Variants in PVALB observed in about 807,000 individuals in gnomAD.
PVALB encodes parvalbumin alpha.
In PVALB, 11 loss-of-function variants were observed where a neutral mutation model predicts 10.9. That is an observed-to-expected ratio of 1.01 (90% CI 0.63 to 1.67). The LOEUF (loss-of-function observed/expected upper bound fraction) is 1.67. PVALB is among the 40% of genes most tolerant of loss of function. PVALB has a pLI of 0.00. For synonymous variants in PVALB, 57 were observed against 50.7 expected, an observed-to-expected ratio of 1.12 and a Z score of -0.53; for missense variants, 131 against 136.2, an observed-to-expected ratio of 0.96 and a Z score of 0.19.
chr22:36,811,642 GCAGT>G, intron 3 of PVALB: 1 of 429,970 alleles, frequency 2.3e-6, no homozygotes, highest in Non-Finnish European at 4.8e-6. Flanking sequence ...TTTTCTGTGA[GCAGT>G]CAGCCATGAA....
chr22:36,803,558 G>T (rs528566255), intron 3 of PVALB, among the ~76,000 whole-genome samples: 27 of 145,886 alleles, frequency 1.9e-4, no homozygotes, highest in African/African-American at 6.9e-4. Flanking sequence ...ATGGATGGAT[G>T]GGGGGTAGAT....
chr22:36,816,385 C>G (rs1167883905), intron 1 of PVALB: 1 of 152,476 alleles, frequency 6.6e-6, no homozygotes, highest in Non-Finnish European at 1.5e-5. Flanking sequence ...TGAGGATGCC[C>G]CGTGCGGGCT....
chr22:36,816,611 C>T (rs1305985034), intron 1 of PVALB, among the ~76,000 whole-genome samples: 1 of 152,218 alleles, frequency 6.6e-6, no homozygotes, highest in African/African-American at 2.4e-5. Context: ...GTCCAGAGAG[C>T]TCGTACAAGG....
At chr22:36,815,373 G>A (rs1939122851) in intron 1 of PVALB, 138 bp from the exon 2 acceptor site, 2 of 1,186,760 alleles carry the variant, frequency 1.7e-6, no homozygotes, top group South Asian at 2.9e-5. Context: ...ACCTCCATTG[G>A]AGGGCTGAGG....
In PVALB at chr22:36,815,086, T is replaced by C. The variant is rs1939116213; in HGVS notation, c.194+17A>G. The C allele has an allele frequency of 2.5e-6, 4 of 1,613,768 alleles. No homozygotes were observed. The highest frequency in any genetic ancestry group is 1.3e-5 in the African/African-American group (1 of 75,026). On this transcript the variant is annotated intron_variant, in intron 2 of 3. Transcript: ENST00000417718. The stretch of plus-strand genomic sequence containing the variant: ...GTGCAGCCGTGGGCTGGGCAGCCCC[T>C]GCAGGCCTCCGCTTACCCCAGCTCA...
Position 36,813,791 on chromosome 22 carries a change from C to T in PVALB, c.195-36G>A, listed in dbSNP as rs761915956. 2.6e-6 allele frequency: 4 copies of T among 1,535,946 alleles called. No individual in the cohort carries two copies. The Admixed American group carries it at 5.0e-5, about 19-fold the overall frequency. ...AAAGGGAGAAAGCCGGTGAGGGAGT[C>T]AGGCCGAGGTCGCCTTGCAGGACGC... On this transcript the variant is annotated intron_variant, in intron 2 of 3. Transcript: ENST00000417718.
chr22:36,802,475 C>A (rs768048811), intron 3 of PVALB, among the ~76,000 whole-genome samples: 26 of 151,862 alleles, frequency 1.7e-4, no homozygotes, highest in Non-Finnish European at 3.5e-4. Flanking sequence ...GTGGCGCACA[C>A]CTGTAGTCCC....
At chr22:36,811,314 A>G (rs1365310709) in intron 3 of PVALB, among the ~76,000 whole-genome samples, 2 of 151,984 alleles carry the variant, frequency 1.3e-5, no homozygotes, top group Non-Finnish European at 2.9e-5. Flanking sequence ...TAAATAAGGC[A>G]TTGCAGTGGC....
At chr22:36,815,037 G>C in intron 2 of PVALB, 66 bp downstream of exon 2, 3 of 1,589,912 alleles carry the variant, frequency 1.9e-6, no homozygotes, top group Non-Finnish European at 1.7e-6. Context: ...TTGGAAGCTA[G>C]AGTCCCAGCC....
intron 3 of PVALB, among the ~76,000 whole-genome samples, chr22:36,802,603 CAAAAA>C (rs60843863): frequency 3.6e-5 from 1 of 27,794 alleles, no homozygotes; most frequent in East Asian, 9.2e-4. Context: ...CCATCTCACA[CAAAAA>C]AAAAAAAAAA....
intron 3 of PVALB, among the ~76,000 whole-genome samples, chr22:36,806,498 CTG>C (rs1290958529): frequency 1.3e-5 from 2 of 152,172 alleles, no homozygotes; most frequent in African/African-American, 4.8e-5. Flanking sequence ...CAAAGCGAAA[CTG>C]AGCCGGCCAT....
At chr22:36,811,630 G>A in intron 3 of PVALB, 2 of 439,544 alleles carry the variant, frequency 4.6e-6, no homozygotes, top group East Asian at 1.5e-4. Flanking sequence ...TCATCAGGTA[G>A]GTTTTCTGTG....
intron 3 of PVALB, among the ~76,000 whole-genome samples, chr22:36,806,278 T>A (rs1938948667): frequency 6.6e-6 from 1 of 152,024 alleles, no homozygotes; most frequent in Non-Finnish European, 1.5e-5. Context: ...GTCATCATTG[T>A]CCAACCAGAA....
chr22:36,811,140 G>A (rs905384410), intron 3 of PVALB, among the ~76,000 whole-genome samples: 10 of 152,154 alleles, frequency 6.6e-5, no homozygotes, highest in Admixed American at 5.9e-4. Context: ...GCTGGGGATG[G>A]TGGTGCGTGC....
chr22:36,817,038 G>A (rs768705348), upstream of PVALB: 11 of 1,593,732 alleles, frequency 6.9e-6, no homozygotes, highest in South Asian at 2.2e-5. Context: ...GAGCAAGTGC[G>A]AAAAGATTAA....
At chr22:36,812,434 C>T (rs950781067) in intron 3 of PVALB, among the ~76,000 whole-genome samples, 4 of 152,160 alleles carry the variant, frequency 2.6e-5, no homozygotes, top group Non-Finnish European at 1.5e-5. Context: ...AGAAGGTACC[C>T]TTGCGAAGGG....
chr22:36,803,699 G>GGATT (rs1938907028), intron 3 of PVALB, among the ~76,000 whole-genome samples: 1 of 149,034 alleles, frequency 6.7e-6, no homozygotes, highest in African/African-American at 2.5e-5. Context: ...ATGGATGGAT[G>GGATT]GATGGATGGA....
At chr22:36,801,342 G>T (rs566601292) in intron 3 of PVALB, among the ~76,000 whole-genome samples, 103 of 152,306 alleles carry the variant, frequency 6.8e-4, no homozygotes, top group Non-Finnish European at 1.1e-3. Flanking sequence ...AGAAACTGAG[G>T]CTCAGGGTCC....
At chr22:36,807,527 G>A (rs573858763) in intron 3 of PVALB, among the ~76,000 whole-genome samples, 1 of 152,280 alleles carries the variant, frequency 6.6e-6, no homozygotes, top group South Asian at 2.1e-4. Context: ...TTCTGTTGAG[G>A]ATTGAGATTC....
Sources: gnomAD v4.1 joint callset for allele counts (sites outside exome capture counted in the v4.1 genomes callset) on GRCh38, gnomAD v4.1.1 for gene constraint, MANE v1.5 for transcripts, NCBI Gene and HGNC (gene_info 2026-07-23, HGNC 2026-07-21) for gene names.